PAX7: variants seen among roughly 807,000 people sequenced by gnomAD.
PAX7 encodes paired box 7.
PAX7 carries 18 observed loss-of-function variants against 50.7 expected under a neutral mutation model. The ratio of observed to expected loss-of-function variants is 0.36; its 90% CI spans 0.25 to 0.53. The LOEUF (loss-of-function observed/expected upper bound fraction) is 0.53, where lower values mean the gene tolerates loss of function less well. PAX7 is among the 20% of genes least tolerant of loss of function. The pLI is 0.93. For synonymous variants in PAX7, 310 were observed against 290.4 expected (o/e 1.07, Z -0.69); for missense variants, 644 against 702.9 (o/e 0.92, Z 0.95).
chr1:18,734,246 G>A (rs143870887), intron 7 of PAX7, among the ~76,000 whole-genome samples: 3 of 152,312 alleles, frequency 2.0e-5, no homozygotes, highest in South Asian at 2.1e-4. Context: ...GGATTGCCAC[G>A]TGGTTCTCCG....
chr1:18,651,871 C>T (rs1309571681), intron 4 of PAX7, among the ~76,000 whole-genome samples: 1 of 147,678 alleles, frequency 6.8e-6, no homozygotes, highest in Admixed American at 6.8e-5. Context: ...CTTCCGGCCT[C>T]TGCTGCTTCA....
At position 18,631,257 on chromosome 1, in the gene PAX7, G is replaced by C. The variant is rs1045489183; in HGVS notation, c.-347G>C. ...CCGGCCCCCCTCCGCCGCGGGGCCTGGTCTCCGGGTTCTGCCAGGCGCATC... is the reference window on the plus strand; with the variant it reads ...CCGGCCCCCCTCCGCCGCGGGGCCTCGTCTCCGGGTTCTGCCAGGCGCATC... On this transcript the variant is annotated 5_prime_UTR_variant, in exon 1 of 9. Coordinates refer to ENST00000420770, the MANE Select transcript of PAX7 (RefSeq NM_001135254.2). The C allele has an allele frequency of 3.9e-5, 10 of 254,588 alleles. No homozygotes were observed. The highest frequency in any genetic ancestry group is 7.5e-5 in the Non-Finnish European group (10 of 132,666). The allele number at this position is 254,588 out of a possible 1,614,324, so 15.8% of individuals were successfully genotyped here.
chr1:18,727,962 A>G (rs760613978), intron 7 of PAX7, among the ~76,000 whole-genome samples: 1 of 150,486 alleles, frequency 6.6e-6, no homozygotes, highest in Non-Finnish European at 1.5e-5. Context: ...CGCTGTCCAC[A>G]GGGGGAAAGG....
intron 4 of PAX7, among the ~76,000 whole-genome samples, chr1:18,690,120 G>T (rs1365551226): frequency 6.6e-6 from 1 of 152,172 alleles, no homozygotes; most frequent in African/African-American, 2.4e-5. Context: ...CAGGGCTCAG[G>T]TCCTACCTTG....
chr1:18,675,348 T>C (rs1557523033), intron 4 of PAX7, among the ~76,000 whole-genome samples: 1 of 152,134 alleles, frequency 6.6e-6, no homozygotes, highest in Non-Finnish European at 1.5e-5. Flanking sequence ...CACAGCATCT[T>C]AGAATCACAG....
chr1:18,673,120 G>A (rs925421948), intron 4 of PAX7, among the ~76,000 whole-genome samples: 2 of 152,172 alleles, frequency 1.3e-5, no homozygotes, highest in African/African-American at 2.4e-5. Flanking sequence ...GATGGGCCTG[G>A]GTTCAAGTCC....
intron 7 of PAX7, among the ~76,000 whole-genome samples, chr1:18,720,711 T>TG (rs1345280068): frequency 6.9e-6 from 1 of 145,842 alleles, no homozygotes; most frequent in Non-Finnish European, 1.5e-5. Flanking sequence ...TGGTGGAGAC[T>TG]GGGGGGAGAG....
chr1:18,689,980 G>A (rs2089043085), intron 4 of PAX7, among the ~76,000 whole-genome samples: 1 of 152,208 alleles, frequency 6.6e-6, no homozygotes, highest in South Asian at 2.1e-4. Context: ...GGTGGAAGGG[G>A]TCAGGGGCGG....
intron 4 of PAX7, among the ~76,000 whole-genome samples, chr1:18,680,921 G>A (rs1430056515): frequency 6.6e-6 from 1 of 152,110 alleles, no homozygotes; most frequent in Admixed American, 6.5e-5. Flanking sequence ...ACTTTGGGAG[G>A]CTTTGGGAGG....
At chr1:18,739,766 C>T (rs1931022477) in intron 8 of PAX7, among the ~76,000 whole-genome samples, 1 of 152,202 alleles carries the variant, frequency 6.6e-6, no homozygotes, top group Admixed American at 6.5e-5. Context: ...CCTTTTCCTG[C>T]TCTGGCCATT....
intron 4 of PAX7, among the ~76,000 whole-genome samples, chr1:18,654,026 G>C (rs145003605): frequency 3.9e-5 from 6 of 151,932 alleles, no homozygotes; most frequent in Admixed American, 6.6e-5. Context: ...TTTCTTTCTC[G>C]GGACTGCAAA....
intron 4 of PAX7, among the ~76,000 whole-genome samples, chr1:18,685,760 C>G (rs1307887577): frequency 6.6e-6 from 1 of 152,230 alleles, no homozygotes; most frequent in African/African-American, 2.4e-5. Context: ...TGAGGCCTTG[C>G]TGGCGTGGCT....
chr1:18,646,489 G>A (rs1408193996), intron 4 of PAX7, among the ~76,000 whole-genome samples: 2 of 152,024 alleles, frequency 1.3e-5, no homozygotes, highest in African/African-American at 4.8e-5. Context: ...GGCCTCCCCA[G>A]GCAGCAGGAA....
At chr1:18,736,100 A>G in intron 8 of PAX7, 6 of 735,684 alleles carry the variant, frequency 8.2e-6, no homozygotes, top group Admixed American at 5.3e-5. Context: ...CTTCCGTACT[A>G]TGGCTCCAAC....
chr1:18,708,706 T>C (rs1013756726), intron 7 of PAX7, among the ~76,000 whole-genome samples: 2 of 151,446 alleles, frequency 1.3e-5, no homozygotes, highest in African/African-American at 2.4e-5. Context: ...CTCTTAGGAG[T>C]AGTGACCACA....
rs138943790 is a variant in PAX7 at position 18,747,567 on chromosome 1, C to A, written c.*2638C>A. The A allele has an allele frequency of 9.4e-6, 2 of 213,106 alleles. No homozygotes were observed. Among genetic ancestry groups the A allele is most frequent in the African/African-American group, 4.5e-5 (2 of 44,306 alleles). 13.2% of individuals were successfully genotyped at this position (213,106 alleles called of 1,614,324 possible). A position where few individuals can be genotyped will look rare whatever the true frequency, so the allele number is the denominator to read the frequency against. ...AATGAGAGACACAAGGCCTCCATCT[C>A]TTTGGGGCTGACCACAGCCTGAGAA... is the stretch of plus-strand genomic sequence containing the variant. On this transcript the variant is annotated 3_prime_UTR_variant, in exon 9 of 9. Transcript: ENST00000420770.
chr1:18,668,531 TC>T (rs2088699755), intron 4 of PAX7, among the ~76,000 whole-genome samples: 1 of 152,048 alleles, frequency 6.6e-6, no homozygotes, highest in African/African-American at 2.4e-5. Context: ...TGAGACCCCA[TC>T]TTTACAAAAA....
At chr1:18,695,208 T>TAA (rs34926391) in intron 5 of PAX7, among the ~76,000 whole-genome samples, 37,786 of 143,106 alleles carry the variant, frequency 0.26, 4,970 homozygotes, top group East Asian at 0.41. Context: ...TGATTACATG[T>TAA]AAAAAAAAAA....
At chr1:18,737,715 AAC>A (rs1930861699) in intron 8 of PAX7, among the ~76,000 whole-genome samples, 2 of 152,274 alleles carry the variant, frequency 1.3e-5, no homozygotes, top group African/African-American at 2.4e-5. Context: ...TGTGTGTGTG[AAC>A]ACACATGTGC....
Sources: allele counts gnomAD v4.1 joint callset (sites outside exome capture counted in the v4.1 genomes callset), GRCh38; gene constraint gnomAD v4.1.1; transcripts MANE v1.5; gene names NCBI Gene and HGNC (gene_info 2026-07-23, HGNC 2026-07-21).